COL25A1: variants seen among roughly 807,000 people sequenced by gnomAD.
COL25A1 encodes the protein collagen alpha-1(XXV) chain.
A neutral mutation model predicts 128.4 loss-of-function variants in COL25A1; 103 were observed. The ratio of observed to expected loss-of-function variants is 0.80; its 90% confidence interval spans 0.68 to 0.94. COL25A1 has a LOEUF of 0.94. COL25A1 is among the 40% of genes least tolerant of loss of function. The pLI, the probability that COL25A1 is intolerant of heterozygous loss-of-function variation, is 0.00. For missense variants in COL25A1, 745 were observed against 840.0 expected, an observed-to-expected ratio of 0.89 and a Z score of 1.40; for synonymous variants, 279 against 277.2, an observed-to-expected ratio of 1.01 and a Z score of -0.06.
intron 5 of COL25A1, among the ~76,000 whole-genome samples, chr4:109,011,250 T>C (rs1756550369): frequency 1.3e-5 from 2 of 152,254 alleles, no homozygotes. Flanking sequence ...TTGTCTCAGC[T>C]GTGTGGCACC....
chr4:108,903,624 T>G (rs1743116500), intron 13 of COL25A1, among the ~76,000 whole-genome samples: 1 of 152,100 alleles, frequency 6.6e-6, no homozygotes, highest in African/African-American at 2.4e-5. Flanking sequence ...CTTGTTTTAT[T>G]AGTCAATGGA....
chr4:108,978,493 A>C (rs907121930), intron 6 of COL25A1, among the ~76,000 whole-genome samples: 5 of 152,252 alleles, frequency 3.3e-5, no homozygotes, highest in African/African-American at 1.2e-4. Context: ...CAAATGAAAG[A>C]AAGGTTTATT....
At chr4:109,280,393 A>G (rs146972585) in intron 3 of COL25A1, among the ~76,000 whole-genome samples, 2 of 152,352 alleles carry the variant, frequency 1.3e-5, no homozygotes, top group East Asian at 3.9e-4. Flanking sequence ...TACGGGAAAC[A>G]TAAGGAATAG....
chr4:108,881,659 G>T (rs138794361), intron 19 of COL25A1, among the ~76,000 whole-genome samples: 1 of 149,926 alleles, frequency 6.7e-6, no homozygotes, highest in Admixed American at 6.7e-5. Flanking sequence ...AAGGAAAAAA[G>T]AACATTCTAA....
At chr4:109,158,176 A>C (rs1287669079) in intron 3 of COL25A1, among the ~76,000 whole-genome samples, 3 of 152,214 alleles carry the variant, frequency 2.0e-5, no homozygotes, top group East Asian at 3.8e-4. Flanking sequence ...GAGTTATGAC[A>C]ATTTAAATTA....
chr4:109,094,851 C>T (rs982011787), intron 3 of COL25A1, among the ~76,000 whole-genome samples: 1 of 152,144 alleles, frequency 6.6e-6, no homozygotes, highest in African/African-American at 2.4e-5. Context: ...TATTTGAAAA[C>T]AGATTCTTCC....
intron 18 of COL25A1, among the ~76,000 whole-genome samples, chr4:108,885,151 G>A (rs1421530801): frequency 6.6e-6 from 1 of 152,146 alleles, no homozygotes; most frequent in African/African-American, 2.4e-5. Flanking sequence ...TATACTAAAA[G>A]ACACAGGAGC....
chr4:109,141,590 T>C (rs1361906456), intron 3 of COL25A1, among the ~76,000 whole-genome samples: 1 of 152,246 alleles, frequency 6.6e-6, no homozygotes, highest in Non-Finnish European at 1.5e-5. Context: ...GGTAGGCTAT[T>C]AATTACTGCT....
At chr4:108,884,294 A>T (rs547961589) in intron 18 of COL25A1, 72 bp from the exon 19 acceptor site, 72 of 1,376,594 alleles carry the variant, frequency 5.2e-5, no homozygotes, top group Non-Finnish European at 6.9e-5. Context: ...AAAACATGGC[A>T]AATGTTCCTG....
chr4:109,057,453 T>C (rs1374688656), intron 3 of COL25A1, among the ~76,000 whole-genome samples: 2 of 134,496 alleles, frequency 1.5e-5, no homozygotes, highest in East Asian at 4.2e-4. Context: ...TTTTTTTTTT[T>C]GCATTTTTAG....
At chr4:109,265,547 G>A (rs1182305472) in intron 3 of COL25A1, among the ~76,000 whole-genome samples, 1 of 151,092 alleles carries the variant, frequency 6.6e-6, no homozygotes, top group East Asian at 2.0e-4. Flanking sequence ...GTGTGTGTGT[G>A]TGTGTGTGTG....
At chr4:109,017,212 G>A (rs1757308331) in intron 5 of COL25A1, among the ~76,000 whole-genome samples, 2 of 152,198 alleles carry the variant, frequency 1.3e-5, no homozygotes, top group South Asian at 4.1e-4. Flanking sequence ...ACCTGGAGCT[G>A]CCTGCCCCAC....
At chr4:109,089,208 A>T (rs1451278394) in intron 3 of COL25A1, among the ~76,000 whole-genome samples, 3 of 152,130 alleles carry the variant, frequency 2.0e-5, no homozygotes, top group Admixed American at 2.0e-4. Context: ...TAGAGACATA[A>T]CCTCATAACC....
chr4:109,126,094 T>A (rs1768572582), intron 3 of COL25A1, among the ~76,000 whole-genome samples: 1 of 152,214 alleles, frequency 6.6e-6, no homozygotes, highest in East Asian at 1.9e-4. Context: ...AAAACATGTA[T>A]GTAAGAAAAT....
chr4:109,206,375 G>A (rs182260263), intron 3 of COL25A1, among the ~76,000 whole-genome samples: 2 of 152,262 alleles, frequency 1.3e-5, no homozygotes, highest in East Asian at 3.9e-4. Context: ...ACTATTGCGT[G>A]CTGATGTTAT....
At position 108,943,328 on chromosome 4, in the gene COL25A1, T is replaced by C. The variant is rs186742304; in HGVS notation, c.493-1891A>G. On this transcript the variant is annotated intron_variant, in intron 8 of 37. Coordinates refer to ENST00000399132, the MANE Select transcript of COL25A1 (RefSeq NM_198721.4). ...CAGGACATACAATACGTGTATTAATTCTTTTTTGGACAACAACAGGGAACA... is the reference window on the plus strand; with the variant it reads ...CAGGACATACAATACGTGTATTAATCCTTTTTTGGACAACAACAGGGAACA... Among the ~76,000 whole-genome samples, 11 of 152,334 alleles carry C rather than the reference T, an allele frequency of 7.2e-5. No individual in the cohort carries two copies. In the East Asian group the frequency reaches 2.1e-3, roughly 29 times the overall value.
intron 13 of COL25A1, among the ~76,000 whole-genome samples, chr4:108,905,856 G>GT (rs1743431107): frequency 6.6e-6 from 1 of 150,436 alleles, no homozygotes; most frequent in African/African-American, 2.5e-5. Context: ...ATGTCGGGGG[G>GT]GGGTGCGGGG....
At chr4:109,226,787 G>T (rs1035097721) in intron 3 of COL25A1, among the ~76,000 whole-genome samples, 1 of 152,044 alleles carries the variant, frequency 6.6e-6, no homozygotes, top group Admixed American at 6.6e-5. Flanking sequence ...GGCAGAACAC[G>T]TGATAGGCCA....
At chr4:109,296,223 T>A (rs1724966880) in intron 3 of COL25A1, among the ~76,000 whole-genome samples, 1 of 152,134 alleles carries the variant, frequency 6.6e-6, no homozygotes, top group African/African-American at 2.4e-5. Context: ...CAGCTTTTTA[T>A]CCATTGCTAG....
Sources: allele counts gnomAD v4.1 joint callset (sites outside exome capture counted in the v4.1 genomes callset), GRCh38; gene constraint gnomAD v4.1.1; transcripts MANE v1.5; gene names NCBI Gene and HGNC (gene_info 2026-07-23, HGNC 2026-07-21).